CSNK2A2IP: variants seen among roughly 807,000 people sequenced by gnomAD.
CSNK2A2IP encodes the protein casein kinase 2 subunit alpha' interacting protein.
the CSNK2A2IP span, among the ~76,000 whole-genome samples, chr3:88,458,901 A>G: frequency 6.6e-6 from 1 of 152,188 alleles, no homozygotes; most frequent in South Asian, 2.1e-4. Flanking sequence ...CACTTGTTGT[A>G]TGGTTTACAA....
the CSNK2A2IP span, among the ~76,000 whole-genome samples, chr3:88,437,809 T>G: frequency 6.6e-6 from 1 of 152,218 alleles, no homozygotes; most frequent in African/African-American, 2.4e-5. Flanking sequence ...TTATCTCTGC[T>G]TTTCCATTCC....
the CSNK2A2IP span, among the ~76,000 whole-genome samples, chr3:88,433,196 T>C: frequency 6.6e-6 from 1 of 152,130 alleles, no homozygotes; most frequent in Non-Finnish European, 1.5e-5. Context: ...TTTTATTTTA[T>C]TACTTACTGA....
the CSNK2A2IP span, among the ~76,000 whole-genome samples, chr3:88,390,668 G>A: frequency 6.6e-6 from 1 of 152,192 alleles, no homozygotes. Flanking sequence ...TATTAGGTGT[G>A]AAGGTTGCAC....
chr3:88,347,491 A>C, the CSNK2A2IP span, among the ~76,000 whole-genome samples: 1 of 152,074 alleles, frequency 6.6e-6, no homozygotes, highest in African/African-American at 2.4e-5. Flanking sequence ...CATTGAGGCA[A>C]GAGCCTCCAT....
At chr3:88,360,553 T>C in the CSNK2A2IP span, among the ~76,000 whole-genome samples, 1 of 152,172 alleles carries the variant, frequency 6.6e-6, no homozygotes, top group Non-Finnish European at 1.5e-5. Flanking sequence ...TTTATGCATG[T>C]ATTTACAGGT....
At chr3:88,466,433 T>C in the CSNK2A2IP span, 1 of 1,231,960 alleles carries the variant, frequency 8.1e-7, no homozygotes, top group Non-Finnish European at 1.0e-6. Flanking sequence ...GTCACACATC[T>C]ACCATCACCC....
the CSNK2A2IP span, among the ~76,000 whole-genome samples, chr3:88,402,576 A>G: frequency 6.6e-6 from 1 of 152,092 alleles, no homozygotes. Context: ...GAAAATCAAT[A>G]CAAAAATGTT....
At chr3:88,386,476 T>C in the CSNK2A2IP span, among the ~76,000 whole-genome samples, 8 of 152,286 alleles carry the variant, frequency 5.3e-5, no homozygotes, top group African/African-American at 1.9e-4. Context: ...GATGATTTGG[T>C]TAAGCCAGCT....
chr3:88,430,946 T>G, the CSNK2A2IP span, among the ~76,000 whole-genome samples: 2 of 152,074 alleles, frequency 1.3e-5, no homozygotes, highest in Non-Finnish European at 2.9e-5. Flanking sequence ...ATGACTTTAT[T>G]TAAAGTCTGT....
the CSNK2A2IP span, among the ~76,000 whole-genome samples, chr3:88,425,352 T>C: frequency 6.6e-6 from 1 of 152,074 alleles, no homozygotes; most frequent in African/African-American, 2.4e-5. Context: ...GCAAACCAAA[T>C]TGTATTTTTC....
At chr3:88,379,759 A>G in the CSNK2A2IP span, among the ~76,000 whole-genome samples, 2 of 152,152 alleles carry the variant, frequency 1.3e-5, no homozygotes, top group Non-Finnish European at 2.9e-5. Context: ...TAGGCCAATC[A>G]TGACAACATT....
chr3:88,416,418 C>CT, the CSNK2A2IP span, among the ~76,000 whole-genome samples: 13 of 152,088 alleles, frequency 8.5e-5, no homozygotes, highest in Non-Finnish European at 1.5e-5. Context: ...AAGATGTTCC[C>CT]TACAGATTCA....
chr3:88,363,968 A>C, the CSNK2A2IP span, among the ~76,000 whole-genome samples: 51 of 152,250 alleles, frequency 3.3e-4, no homozygotes, highest in Non-Finnish European at 5.1e-4. Flanking sequence ...TCTGCATGAT[A>C]CTTGGGGAGA....
At chr3:88,340,031 G>C in the CSNK2A2IP span, among the ~76,000 whole-genome samples, 1 of 151,686 alleles carries the variant, frequency 6.6e-6, no homozygotes, top group Non-Finnish European at 1.5e-5. Flanking sequence ...GCCTATTTGC[G>C]AGGACACGGA....
chr3:88,453,836 ATTTGTCT>A, the CSNK2A2IP span, among the ~76,000 whole-genome samples: 1 of 152,022 alleles, frequency 6.6e-6, no homozygotes, highest in South Asian at 2.1e-4. Context: ...TGGTTGATTC[ATTTGTCT>A]ACTGATGGAT....
At chr3:88,444,203 T>C in the CSNK2A2IP span, among the ~76,000 whole-genome samples, 1 of 152,134 alleles carries the variant, frequency 6.6e-6, no homozygotes, top group African/African-American at 2.4e-5. Context: ...AGAAATATTC[T>C]ACAAAGAACA....
chr3:88,435,792 G>T, the CSNK2A2IP span, among the ~76,000 whole-genome samples: 1 of 151,708 alleles, frequency 6.6e-6, no homozygotes, highest in Non-Finnish European at 1.5e-5. Context: ...AAGAAGATCT[G>T]TCTCTTAAAG....
the CSNK2A2IP span, among the ~76,000 whole-genome samples, chr3:88,418,463 T>TGTGTGTGCGCGCGCGCGCGCGCGCGC: frequency 1.3e-5 from 2 of 149,536 alleles, no homozygotes; most frequent in African/African-American, 4.9e-5. Flanking sequence ...TGTGTGTGTG[T>TGTGTGTGCGCGCGCGCGCGCGCGCGC]GCGCGCGGGC....
chr3:88,435,277 T>G, the CSNK2A2IP span, among the ~76,000 whole-genome samples: 1 of 152,182 alleles, frequency 6.6e-6, no homozygotes, highest in Non-Finnish European at 1.5e-5. Context: ...TATTTACTTC[T>G]GTTTTCATCA....
Sources: gnomAD v4.1 joint callset for allele counts (sites outside exome capture counted in the v4.1 genomes callset) on GRCh38, gnomAD v4.1.1 for gene constraint, MANE v1.5 for transcripts, NCBI Gene and HGNC (gene_info 2026-07-23, HGNC 2026-07-21) for gene names.